STAT3: variants seen among roughly 807,000 people sequenced by gnomAD.
STAT3 encodes DNA-binding protein APRF.
In STAT3, 7 loss-of-function variants were observed where a neutral mutation model predicts 114.3. That is an observed-to-expected ratio of 0.06 (90% CI 0.03 to 0.11). STAT3 has a LOEUF of 0.11. Among genes scored for constraint, STAT3 ranks in the 10% least tolerant of loss-of-function variants. The probability of loss-of-function intolerance (pLI) is 1.00; values close to 1 mark genes in which losing one functional copy is unlikely to be tolerated. For synonymous variants in STAT3, 331 were observed against 354.5 expected, an observed-to-expected ratio of 0.93 and a Z score of 0.74; for missense variants, 364 against 960.9, an observed-to-expected ratio of 0.38 and a Z score of 8.21.
At chr17:42,369,743 C>T (rs1398973449) in intron 1 of STAT3, among the ~76,000 whole-genome samples, 2 of 152,108 alleles carry the variant, frequency 1.3e-5, no homozygotes, top group Non-Finnish European at 2.9e-5. Flanking sequence ...CTCGAACTAT[C>T]AAACTCCTGG....
Position 42,342,487 on chromosome 17 carries a change from GA to G in STAT3, c.372+3071del, listed in dbSNP as rs397739245. ...GACAGAGTGAGACTCTGTCTCAAAA[GA>G]AAAAAAAAAAATTCTTCACTGGGTC... is the stretch of plus-strand genomic sequence containing the variant. On this transcript the variant is annotated intron_variant, in intron 4 of 23. Coordinates refer to ENST00000264657, the MANE Select transcript of STAT3 (RefSeq NM_139276.3). Among the ~76,000 whole-genome samples, 800 of 145,804 alleles carry G rather than the reference GA, an allele frequency of 5.5e-3. 7 individuals carry two copies. The highest frequency in any genetic ancestry group is 0.018 in the African/African-American group (717 of 39,774).
chr17:42,386,286 A>AG (rs2085101471), intron 1 of STAT3, among the ~76,000 whole-genome samples: 1 of 151,936 alleles, frequency 6.6e-6, no homozygotes, highest in South Asian at 2.1e-4. Flanking sequence ...GACTCAAAAA[A>AG]AAAAAAAAAA....
chr17:42,313,651 A>T lies in STAT3; in HGVS notation c.*2094T>A. The T allele has an allele frequency of 4.3e-6, 1 of 232,186 alleles. No individual in the cohort carries two copies. The highest frequency in any genetic ancestry group is 8.5e-6 in the Non-Finnish European group (1 of 117,026). 14.4% of individuals were successfully genotyped at this position (232,186 alleles called of 1,614,324 possible). ...AGAACTTTTGCTACAATCAGAGTTA[A>T]GACCAGATACATGCTACCTAAGGCC... On this transcript the variant is annotated 3_prime_UTR_variant, in exon 24 of 24. Transcript: ENST00000264657.
chr17:42,356,541 T>A (rs58905292), intron 1 of STAT3, among the ~76,000 whole-genome samples: 8,637 of 77,720 alleles, frequency 0.11, 290 homozygotes, highest in East Asian at 0.17. Context: ...ATATATATAT[T>A]TTTTTTTTTT....
intron 1 of STAT3, among the ~76,000 whole-genome samples, chr17:42,382,742 A>G (rs1389274589): frequency 6.7e-6 from 1 of 149,936 alleles, no homozygotes; most frequent in East Asian, 2.0e-4. Context: ...CGCCTCCAGG[A>G]CTCATGCCAT....
At chr17:42,346,770 A>G in intron 2 of STAT3, 57 bp from the exon 3 acceptor site, 2 of 1,612,862 alleles carry the variant, frequency 1.2e-6, no homozygotes, top group Non-Finnish European at 1.7e-6. Flanking sequence ...ACACACAAAC[A>G]CAGAAATCAC....
At chr17:42,346,968 C>T (rs1170726592) in intron 2 of STAT3, among the ~76,000 whole-genome samples, 1 of 152,022 alleles carries the variant, frequency 6.6e-6, no homozygotes, top group Non-Finnish European at 1.5e-5. Context: ...GCAGGCGGAT[C>T]ACCTGAGGTC....
At chr17:42,364,232 T>C (rs531176880) in intron 1 of STAT3, among the ~76,000 whole-genome samples, 1 of 152,288 alleles carries the variant, frequency 6.6e-6, no homozygotes, top group East Asian at 1.9e-4. Context: ...TCAGCCTATA[T>C]ATAGGTTTGG....
At chr17:42,339,455 G>T in intron 4 of STAT3, 46 bp from the exon 5 acceptor site, 7 of 1,559,032 alleles carry the variant, frequency 4.5e-6, no homozygotes, top group Non-Finnish European at 6.2e-6. Context: ...GAACTATGGG[G>T]AGAGGAATAC....
At chr17:42,379,382 A>G (rs1378032676) in intron 1 of STAT3, among the ~76,000 whole-genome samples, 1 of 152,220 alleles carries the variant, frequency 6.6e-6, no homozygotes, top group Non-Finnish European at 1.5e-5. Flanking sequence ...CTGAATACAG[A>G]TTAGTTTGCA....
At chr17:42,379,602 G>T (rs1169498980) in intron 1 of STAT3, among the ~76,000 whole-genome samples, 1 of 152,132 alleles carries the variant, frequency 6.6e-6, no homozygotes, top group East Asian at 1.9e-4. Context: ...GGTTCCTCCT[G>T]TTGGCTTCTT....
rs886052933 is a variant in STAT3 at position 42,313,895 on chromosome 17, G to C, written c.*1850C>G. On this transcript the variant is annotated 3_prime_UTR_variant, in exon 24 of 24. Transcript: ENST00000264657. Reference sequence around the variant, plus strand: ...ACTGGGGCGAACCCTGTTCATCTTAGAGAAGGTCGTCTCCCCCTTAATTCA... The same window carrying C: ...ACTGGGGCGAACCCTGTTCATCTTACAGAAGGTCGTCTCCCCCTTAATTCA... 1.3e-5 allele frequency: 3 copies of C among 232,620 alleles called. No homozygotes were observed. The highest frequency in any genetic ancestry group is 1.7e-5 in the Non-Finnish European group (2 of 117,358). 14.4% of individuals were successfully genotyped at this position (232,620 alleles called of 1,614,324 possible).
chr17:42,346,858 G>T, intron 2 of STAT3, 145 bp from the exon 3 acceptor site: 2 of 1,153,970 alleles, frequency 1.7e-6, no homozygotes, highest in Non-Finnish European at 2.5e-6. Flanking sequence ...GATTCTTCTT[G>T]CTCAGCAATA....
At chr17:42,371,906 C>A (rs938257773) in intron 1 of STAT3, among the ~76,000 whole-genome samples, 1 of 149,406 alleles carries the variant, frequency 6.7e-6, no homozygotes, top group Non-Finnish European at 1.5e-5. Context: ...TCACTTGAAA[C>A]TGGGAGGCGG....
chr17:42,322,942 T>A, intron 20 of STAT3, 62 bp downstream of exon 20: 1 of 1,611,822 alleles, frequency 6.2e-7, no homozygotes, highest in Non-Finnish European at 8.5e-7. Context: ...TGCTTGCAAC[T>A]AGAAGCAGTG....
chr17:42,366,335 C>A (rs1384441247), intron 1 of STAT3, among the ~76,000 whole-genome samples: 1 of 151,808 alleles, frequency 6.6e-6, no homozygotes, highest in African/African-American at 2.4e-5. Context: ...CCTCCTCCTG[C>A]CACACCTAAT....
chr17:42,369,431 G>T (rs1598497831), intron 1 of STAT3, among the ~76,000 whole-genome samples: 1 of 152,234 alleles, frequency 6.6e-6, no homozygotes, highest in South Asian at 2.1e-4. Flanking sequence ...ATTCCACAGT[G>T]TATGTACCAC....
chr17:42,367,470 C>T (rs1162576213), intron 1 of STAT3, among the ~76,000 whole-genome samples: 5 of 152,258 alleles, frequency 3.3e-5, no homozygotes, highest in Non-Finnish European at 1.5e-5. Context: ...TGCCTCCTTC[C>T]CTACAACTCT....
intron 1 of STAT3, chr17:42,387,570 T>G (rs1397695643): frequency 6.6e-6 from 1 of 152,224 alleles, no homozygotes; most frequent in Non-Finnish European, 1.5e-5. Context: ...AGAGCTGGCT[T>G]GACGGGTTGA....
Sources: gnomAD v4.1 joint callset for allele counts (sites outside exome capture counted in the v4.1 genomes callset) on GRCh38, gnomAD v4.1.1 for gene constraint, MANE v1.5 for transcripts, NCBI Gene and HGNC (gene_info 2026-07-23, HGNC 2026-07-21) for gene names.